Variants in PCDH7 observed in about 807,000 individuals in gnomAD.
PCDH7 encodes the protein protocadherin-7.
In PCDH7, 17 loss-of-function variants were observed where a neutral mutation model predicts 58.9. The observed-to-expected ratio is 0.29, with a 90% CI of 0.20 to 0.43. PCDH7 has a LOEUF of 0.43. Ranked by LOEUF, PCDH7 falls within the 20% of genes least tolerant of loss-of-function variation. The probability of loss-of-function intolerance (pLI) is 1.00; values close to 1 mark genes in which losing one functional copy is unlikely to be tolerated. For missense variants in PCDH7, 1,274 were observed against 1,441.0 expected (o/e 0.88, Z 1.88); for synonymous variants, 664 against 616.4 (o/e 1.08, Z -1.14).
Position 30,923,855 on chromosome 4 carries a change from T to C in PCDH7, c.287+3486T>C, listed in dbSNP as rs535845756. ...AAATTGGTTATTTGTTTCATTAAAA[T>C]ACATTTAGCAATAAAGTAATAATTC... On this transcript the variant is annotated intron_variant, in intron 2 of 3. Coordinates refer to the PCDH7 transcript ENST00000509759. Among the ~76,000 whole-genome samples, 6 of 152,300 alleles carry C rather than the reference T, an allele frequency of 3.9e-5. No homozygotes were observed. The East Asian group carries it at 9.6e-4, about 24-fold the overall frequency.
At chr4:31,057,637 T>A (rs1757360254) in intron 3 of PCDH7, among the ~76,000 whole-genome samples, 1 of 152,150 alleles carries the variant, frequency 6.6e-6, no homozygotes, top group Non-Finnish European at 1.5e-5. Context: ...TATATCCCTT[T>A]AGGAATCAAC....
intron 3 of PCDH7, among the ~76,000 whole-genome samples, chr4:31,056,467 AAG>A (rs1491453112): frequency 1.5e-5 from 2 of 130,230 alleles, no homozygotes; most frequent in Non-Finnish European, 3.3e-5. Flanking sequence ...AGAAGAAAGA[AAG>A]AAAGAAAGAA....
intron 1 of PCDH7, among the ~76,000 whole-genome samples, chr4:30,855,397 T>C (rs1733327558): frequency 1.3e-5 from 2 of 152,182 alleles, no homozygotes; most frequent in South Asian, 4.1e-4. Context: ...GATGTGATTG[T>C]GACATGTACA....
In PCDH7 at chr4:31,034,549, CA is replaced by C. The variant is rs369152242; in HGVS notation, c.*7+84338del. On this transcript the variant is annotated intron_variant, in intron 3 of 3. Coordinates refer to the PCDH7 transcript ENST00000509759. ...AAAGCGTAGCCGCTCAGTACTTTTACAAAATTTCAGATAAACATCAGAATTT... is the reference window on the plus strand; with the variant it reads ...AAAGCGTAGCCGCTCAGTACTTTTACAAATTTCAGATAAACATCAGAATTT... 2.0e-3 allele frequency among the ~76,000 whole-genome samples: 298 copies of C among 152,232 alleles called. 1 individual carries two copies. The Middle Eastern group carries it at 0.031, about 16-fold the overall frequency.
chr4:31,002,302 G>T (rs1752420705), intron 3 of PCDH7, among the ~76,000 whole-genome samples: 1 of 152,228 alleles, frequency 6.6e-6, no homozygotes, highest in South Asian at 2.1e-4. Flanking sequence ...AGCAGTGCGT[G>T]TTCACACAGC....
intron 1 of PCDH7, among the ~76,000 whole-genome samples, chr4:30,739,054 A>G (rs1716698358): frequency 6.8e-6 from 1 of 147,098 alleles, no homozygotes; most frequent in South Asian, 2.4e-4. Flanking sequence ...GTGCTTTTCA[A>G]TGTTTAAAAT....
chr4:31,082,010 A>C (rs1054788036), intron 3 of PCDH7, among the ~76,000 whole-genome samples: 2 of 151,816 alleles, frequency 1.3e-5, no homozygotes, highest in Non-Finnish European at 2.9e-5. Context: ...CTGGTCTCGA[A>C]CTCCTGACCT....
exon 2 of PCDH7, chr4:30,732,050 T>G (rs983757413): frequency 2.6e-5 from 4 of 152,128 alleles, no homozygotes; most frequent in Non-Finnish European, 5.9e-5. Flanking sequence ...TAAATAAATA[T>G]TGGAAGGCCA....
At chr4:31,103,882 T>C (rs1715217912) in intron 3 of PCDH7, among the ~76,000 whole-genome samples, 1 of 152,224 alleles carries the variant, frequency 6.6e-6, no homozygotes, top group Non-Finnish European at 1.5e-5. Flanking sequence ...TCTTTTCTTT[T>C]CAAACCTTAT....
In PCDH7 at chr4:31,065,928, AT is replaced by A. The variant is rs1758053465; in HGVS notation, c.*8-76544del. Among the ~76,000 whole-genome samples the A allele has an allele frequency of 2.0e-5, 3 of 152,066 alleles. No homozygotes were observed. In the South Asian group the frequency reaches 6.2e-4, roughly 31 times the overall value. On this transcript the variant is annotated intron_variant, in intron 3 of 3. Transcript: ENST00000509759. ...TGCGAAAAATTGAGTTATTTTGGTA[AT>A]GGAGGTGACATCAGGAGATACATAA...
At position 30,723,965 on chromosome 4, in the gene PCDH7, C is replaced by G. The variant is rs376534155; in HGVS notation, c.2543C>G (p.Ala848Gly). The change falls in exon 1 of 2, where the codon GCG (alanine) becomes GGG (glycine). Residue 848 changes from alanine (A) to glycine (G), a missense_variant. Around this residue, in one of 3 missense-constraint regions of PCDH7, gnomAD observed 731 missense variants for 881.9 expected, o/e 0.83. Transcript: ENST00000361762. The surrounding 1 kb of genome is among the most constrained non-coding windows in gnomAD (Gnocchi z 4.6). ...AATGAAAGTGTTTCTAATGCAACTG[C>G]GATTGACTCCCAGATAGCTAGAAGT... The G allele has an allele frequency of 6.2e-7, 1 of 1,614,166 alleles. No individual in the cohort carries two copies. The highest frequency in any genetic ancestry group is 8.5e-7 in the Non-Finnish European group (1 of 1,180,044).
chr4:30,773,428 A>G (rs931771193), intron 1 of PCDH7, among the ~76,000 whole-genome samples: 1 of 152,136 alleles, frequency 6.6e-6, no homozygotes, highest in African/African-American at 2.4e-5. Flanking sequence ...TAGTAGCATC[A>G]TGGACCTCTC....
chr4:31,018,130 G>C (rs935884948), intron 3 of PCDH7, among the ~76,000 whole-genome samples: 2 of 152,020 alleles, frequency 1.3e-5, no homozygotes, highest in African/African-American at 4.8e-5. Flanking sequence ...GGCTGAAAAA[G>C]AAGATTATCA....
At chr4:30,878,348 G>A (rs1026695980) in intron 1 of PCDH7, among the ~76,000 whole-genome samples, 2 of 152,136 alleles carry the variant, frequency 1.3e-5, no homozygotes, top group Non-Finnish European at 2.9e-5. Flanking sequence ...CTATTGCCCA[G>A]AAATTATAAT....
At chr4:30,901,318 T>C (rs191243712) in intron 1 of PCDH7, among the ~76,000 whole-genome samples, 4 of 152,262 alleles carry the variant, frequency 2.6e-5, no homozygotes, top group Admixed American at 2.6e-4. Flanking sequence ...AATAAGTATA[T>C]ATACCAATCC....
chr4:30,802,292 A>G (rs1235512922), intron 1 of PCDH7, among the ~76,000 whole-genome samples: 1 of 87,402 alleles, frequency 1.1e-5, no homozygotes, highest in African/African-American at 1.2e-4. Flanking sequence ...GTAGCCAGGC[A>G]AGAAAATTAT....
chr4:31,053,848 A>G (rs1447124521), intron 3 of PCDH7, among the ~76,000 whole-genome samples: 1 of 151,996 alleles, frequency 6.6e-6, no homozygotes, highest in Admixed American at 6.6e-5. Context: ...ATATAAAATA[A>G]TATATAAAAA....
At chr4:31,041,508 G>A (rs1755856093) in intron 3 of PCDH7, among the ~76,000 whole-genome samples, 1 of 152,088 alleles carries the variant, frequency 6.6e-6, no homozygotes, top group South Asian at 2.1e-4. Context: ...AGACTCCTAA[G>A]TGCTGGAAGT....
chr4:30,959,125 T>C (rs1471191720), intron 3 of PCDH7, among the ~76,000 whole-genome samples: 1 of 148,184 alleles, frequency 6.7e-6, no homozygotes, highest in Admixed American at 6.6e-5. Flanking sequence ...AGGGACGCTT[T>C]AATATATGTT....
Sources: allele counts gnomAD v4.1 joint callset (sites outside exome capture counted in the v4.1 genomes callset), GRCh38; gene constraint gnomAD v4.1.1; regional missense constraint gnomAD v4.1.1; non-coding constraint Gnocchi (gnomAD v3.1); transcripts MANE v1.5; gene names NCBI Gene and HGNC (gene_info 2026-07-23, HGNC 2026-07-21).